The following SMAP2 variants were observed in gnomAD, a reference collection of about 807,000 sequenced individuals.
SMAP2 encodes stromal membrane-associated protein 2.
In SMAP2, 25 loss-of-function variants were observed where a neutral mutation model predicts 56.4. The observed-to-expected ratio is 0.44, with a 90% CI of 0.32 to 0.62. The LOEUF is 0.62. Ranked by LOEUF, SMAP2 falls within the 20% of genes least tolerant of loss-of-function variation. The pLI, the probability that SMAP2 is intolerant of heterozygous loss-of-function variation, is 0.04. For missense variants in SMAP2, 388 were observed against 545.6 expected (o/e 0.71, Z 2.88); for synonymous variants, 157 against 181.7 (o/e 0.86, Z 1.09).
Position 40,422,226 on chromosome 1 carries a change from C to A in SMAP2, c.*125C>A. ...TTGGTTTAGAAATTGCTCAATAAGTCATTTGGGGTTTGGCATCCTGCCCAG... is the reference window on the plus strand; with the variant it reads ...TTGGTTTAGAAATTGCTCAATAAGTAATTTGGGGTTTGGCATCCTGCCCAG... On this transcript the variant is annotated 3_prime_UTR_variant, in exon 10 of 10. Transcript: ENST00000372718. 1 of 1,363,178 alleles carries A rather than the reference C, an allele frequency of 7.3e-7. No individual in the cohort carries two copies. The highest frequency in any genetic ancestry group is 9.9e-7 in the Non-Finnish European group (1 of 1,009,714). The allele number at this position is 1,363,178 out of a possible 1,614,324, so 84.4% of individuals were successfully genotyped here.
intron 9 of SMAP2, among the ~76,000 whole-genome samples, chr1:40,419,625 A>G (rs1366891752): frequency 1.3e-5 from 2 of 152,222 alleles, no homozygotes; most frequent in Non-Finnish European, 2.9e-5. Context: ...AGCAAATACA[A>G]TAAACACAGT....
intron 7 of SMAP2, 69 bp from the exon 8 acceptor site, chr1:40,416,107 G>A: frequency 6.9e-7 from 1 of 1,446,496 alleles, no homozygotes; most frequent in Non-Finnish European, 9.4e-7. Context: ...AGCAGAGAGG[G>A]AAGGGAGACC....
At chr1:40,371,509 C>T (rs1022884398), upstream of SMAP2, among the ~76,000 whole-genome samples, 1 of 152,172 alleles carries the variant, frequency 6.6e-6, no homozygotes, top group African/African-American at 2.4e-5. Flanking sequence ...TATGGGCTGG[C>T]AGAGAGCTCT....
chr1:40,347,240 G>GTGTGTTT (rs58284805), intron 1 of SMAP2, among the ~76,000 whole-genome samples: 4 of 88,382 alleles, frequency 4.5e-5, no homozygotes, highest in African/African-American at 1.6e-4. Flanking sequence ...GTGTGTGTGT[G>GTGTGTTT]TTTTGTTTTT....
chr1:40,354,767 AT>A (rs774191085), intron 1 of SMAP2, among the ~76,000 whole-genome samples: 167 of 67,302 alleles, frequency 2.5e-3, no homozygotes, highest in Non-Finnish European at 3.2e-3. Flanking sequence ...AAAACATTGA[AT>A]TTTTTTTTTT....
chr1:40,416,126 G>C lies in SMAP2; in HGVS notation c.682-50G>C, dbSNP rs773599024. 6 of 1,569,060 alleles carry C rather than the reference G, an allele frequency of 3.8e-6. No homozygotes were observed. In the African/African-American group the frequency reaches 8.2e-5, roughly 21 times the overall value. On this transcript the variant is annotated intron_variant, in intron 7 of 9. Coordinates refer to ENST00000372718, the MANE Select transcript of SMAP2 (RefSeq NM_022733.3). ...GAGAGGGAAGGGAGACCCTTAAAGAGACCCCCATGAGAACCATTTCAATTC... is the reference window on the plus strand; with the variant it reads ...GAGAGGGAAGGGAGACCCTTAAAGACACCCCCATGAGAACCATTTCAATTC...
At chr1:40,357,745 G>T (rs1402053450) in intron 1 of SMAP2, among the ~76,000 whole-genome samples, 2 of 152,092 alleles carry the variant, frequency 1.3e-5, no homozygotes, top group African/African-American at 2.4e-5. Flanking sequence ...TAGGTGTATG[G>T]ATTTGTTTCA....
chr1:40,405,568 G>C (rs956032445), intron 1 of SMAP2, among the ~76,000 whole-genome samples: 1 of 152,188 alleles, frequency 6.6e-6, no homozygotes, highest in African/African-American at 2.4e-5. Context: ...TCTTGTGCTC[G>C]TTGTCGTTCC....
chr1:40,362,701 G>A (rs983442184), intron 2 of SMAP2, among the ~76,000 whole-genome samples: 2 of 152,032 alleles, frequency 1.3e-5, no homozygotes, highest in Non-Finnish European at 2.9e-5. Flanking sequence ...TCTGGTGTGG[G>A]GCAATTTCCT....
chr1:40,408,472 T>C lies in SMAP2; in HGVS notation c.238-181T>C, dbSNP rs896541743. 6.6e-6 allele frequency among the ~76,000 whole-genome samples: 1 copy of C among 152,124 alleles called. No individual in the cohort carries two copies. The highest frequency in any genetic ancestry group is 1.5e-5 in the Non-Finnish European group (1 of 68,004). ...GGAAAGACAGCTTGGGGCAAATGATTGGGAAATCCTAGTAAGGTAGAGGGA... is the reference window on the plus strand; with the variant it reads ...GGAAAGACAGCTTGGGGCAAATGATCGGGAAATCCTAGTAAGGTAGAGGGA... On this transcript the variant is annotated intron_variant, in intron 2 of 9. Coordinates refer to ENST00000372718, the MANE Select transcript of SMAP2 (RefSeq NM_022733.3). This position sits in a 1 kb window ranked among gnomAD's most constrained non-coding sequence, Gnocchi z 4.3.
At chr1:40,344,981 T>C (rs1481466772) in intron 1 of SMAP2, 1 of 152,032 alleles carries the variant, frequency 6.6e-6, no homozygotes, top group African/African-American at 2.4e-5. Flanking sequence ...TTTCTTTCTC[T>C]TTCTTTTTCT....
At chr1:40,414,837 G>T (rs1020418295) in intron 6 of SMAP2, among the ~76,000 whole-genome samples, 1 of 152,202 alleles carries the variant, frequency 6.6e-6, no homozygotes, top group African/African-American at 2.4e-5. Context: ...CAGAAAGAAA[G>T]CCTGTTGTCT....
At chr1:40,409,653 C>T in intron 3 of SMAP2, 104 bp from the exon 4 acceptor site, 2 of 777,384 alleles carry the variant, frequency 2.6e-6, no homozygotes, top group Non-Finnish European at 4.3e-6. Context: ...GGAAACCAGG[C>T]AAGAGGGAAG....
chr1:40,357,824 T>C lies in SMAP2; in HGVS notation c.-82-4476T>C, dbSNP rs184845735. On this transcript the variant is annotated intron_variant, in intron 1 of 6. Coordinates refer to the SMAP2 transcript ENST00000435168. ...GCCAATGCCATGCTGTTTTGGTTACTATAGCTTTGTAGTATAATTTAAAGT... is the reference window on the plus strand; with the variant it reads ...GCCAATGCCATGCTGTTTTGGTTACCATAGCTTTGTAGTATAATTTAAAGT... Among the ~76,000 whole-genome samples the C allele has an allele frequency of 1.2e-3, 190 of 152,346 alleles. 1 individual carries two copies. The highest frequency in any genetic ancestry group is 4.4e-3 in the African/African-American group (183 of 41,582).
chr1:40,410,885 CTATT>C (rs1644929099), intron 4 of SMAP2, among the ~76,000 whole-genome samples: 1 of 152,166 alleles, frequency 6.6e-6, no homozygotes, highest in South Asian at 2.1e-4. Flanking sequence ...GAATAATTGG[CTATT>C]TATCTAGTCA....
intron 1 of SMAP2, chr1:40,393,391 T>G (rs1321591538): frequency 6.5e-7 from 1 of 1,534,656 alleles, no homozygotes; most frequent in Non-Finnish European, 8.7e-7. Context: ...GCCGTGGGAG[T>G]TGGAATAGGA....
At chr1:40,411,087 G>A (rs1644931436) in intron 4 of SMAP2, among the ~76,000 whole-genome samples, 1 of 152,212 alleles carries the variant, frequency 6.6e-6, no homozygotes, top group South Asian at 2.1e-4. Flanking sequence ...ATGAAGCTGT[G>A]TGAAAGGGGC....
intron 1 of SMAP2, among the ~76,000 whole-genome samples, chr1:40,401,321 G>T (rs1644832309): frequency 1.3e-5 from 2 of 152,134 alleles, no homozygotes; most frequent in South Asian, 4.1e-4. Flanking sequence ...ATGAGGTCTA[G>T]GTAGAAATGG....
At chr1:40,370,724 G>C (rs1385643667), upstream of SMAP2, among the ~76,000 whole-genome samples, 4 of 112,690 alleles carry the variant, frequency 3.5e-5, no homozygotes, top group African/African-American at 1.5e-4. Context: ...GGGGAGGGGG[G>C]AGGGATAGCA....
Sources: allele counts gnomAD v4.1 joint callset (sites outside exome capture counted in the v4.1 genomes callset), GRCh38; gene constraint gnomAD v4.1.1; non-coding constraint Gnocchi (gnomAD v3.1); transcripts MANE v1.5; gene names NCBI Gene and HGNC (gene_info 2026-07-23, HGNC 2026-07-21).